ATP5MC3: variants seen among roughly 807,000 people sequenced by gnomAD.
The protein encoded by ATP5MC3 is ATP synthase membrane subunit c locus 3, also known as ATP synthase F(0) complex subunit C3, mitochondrial.
In ATP5MC3, 6 loss-of-function variants were observed where a neutral mutation model predicts 15.6. The observed-to-expected ratio is 0.38, with a 90% CI of 0.21 to 0.76. ATP5MC3 has a LOEUF of 0.76. ATP5MC3 is among the 30% of genes least tolerant of loss of function. The pLI, the probability that ATP5MC3 is intolerant of heterozygous loss-of-function variation, is 0.44. For synonymous variants in ATP5MC3, 66 were observed against 63.3 expected (o/e 1.04, Z -0.20); for missense variants, 132 against 171.2 (o/e 0.77, Z 1.28).
At chr2:175,180,299 T>C (rs1700751244) in intron 2 of ATP5MC3, 121 bp from the exon 3 acceptor site, 2 of 627,942 alleles carry the variant, frequency 3.2e-6, no homozygotes, top group Non-Finnish European at 5.0e-6. Flanking sequence ...CAGAAACTTC[T>C]GAATTGACTC....
In ATP5MC3 at chr2:175,178,935, C is replaced by T. The variant is rs188186657; in HGVS notation, c.314+122G>A. 3 of 1,402,126 alleles carry T rather than the reference C, an allele frequency of 2.1e-6. No individual in the cohort carries two copies. In the African/African-American group the frequency reaches 4.3e-5, roughly 20 times the overall value. The allele number at this position is 1,402,126 out of a possible 1,614,324, so 86.9% of individuals were successfully genotyped here. A position where few individuals can be genotyped will look rare whatever the true frequency, so the allele number is the denominator to read the frequency against. ...ATTAAGTGAGATAATGCATACAAAG[C>T]CCTTTAAATATAATGCAAGACACAG... On this transcript the variant is annotated intron_variant, in intron 4 of 4. Coordinates refer to ENST00000284727, the MANE Select transcript of ATP5MC3 (RefSeq NM_001689.5).
At position 175,178,388 on chromosome 2, in the gene ATP5MC3, T is replaced by G; in HGVS notation, c.329A>C (p.Lys110Thr). The G allele has an allele frequency of 1.9e-6, 3 of 1,608,012 alleles. No homozygotes were observed. Among genetic ancestry groups the G allele is most frequent in the Non-Finnish European group, 2.5e-6 (3 of 1,178,188 alleles). Residue 110 changes from lysine to threonine, a missense_variant, in exon 5 of 5, where the codon AAG becomes ACG. By Grantham distance (78) the Lys-to-Thr change is moderately conservative (BLOSUM62 -1). Around this residue, in one of 2 missense-constraint regions of ATP5MC3, gnomAD observed 42 missense variants for 85.0 expected, o/e 0.49. Coordinates refer to ENST00000284727, the MANE Select transcript of ATP5MC3 (RefSeq NM_001689.5). ...IIGYARNPSL[K>T]QQLFSYAILG... ...GATAGCATATGAGAACAGCTGCTGC[T>G]TCAGCGAAGGGTTTCTAAAAGAGAC...
rs550863029 is a variant in ATP5MC3, at chr2:175,180,405, A to G, written c.40-227T>C. Reference sequence around the variant, plus strand: ...TGCTACCTTGAATAAAATTTCTAATAACAGTTACAAAGAGAGTAAGAACTG... The same window carrying G: ...TGCTACCTTGAATAAAATTTCTAATGACAGTTACAAAGAGAGTAAGAACTG... On this transcript the variant is annotated intron_variant, in intron 2 of 4. Coordinates refer to ENST00000284727, the MANE Select transcript of ATP5MC3 (RefSeq NM_001689.5). 2.0e-5 allele frequency among the ~76,000 whole-genome samples: 3 copies of G among 152,336 alleles called. No homozygotes were observed. In the East Asian group the frequency reaches 5.8e-4, roughly 29 times the overall value.
At chr2:175,180,063 T>C (rs1384151051) in intron 3 of ATP5MC3, 35 bp downstream of exon 3, 1 of 1,492,930 alleles carries the variant, frequency 6.7e-7, no homozygotes, top group African/African-American at 1.4e-5. Context: ...CCTTATTTGG[T>C]AGTGTTACCT....
At chr2:175,178,853 G>T in intron 4 of ATP5MC3, 1 of 1,101,692 alleles carries the variant, frequency 9.1e-7, no homozygotes, top group Non-Finnish European at 1.2e-6. Flanking sequence ...TGTGGCCTCT[G>T]TGTCTCTAGT....
intron 2 of ATP5MC3, among the ~76,000 whole-genome samples, chr2:175,181,027 C>G (rs1700761096): frequency 6.6e-6 from 1 of 152,160 alleles, no homozygotes; most frequent in Admixed American, 6.5e-5. Flanking sequence ...CTGCAGTACT[C>G]CAACCTTCGC....
chr2:175,181,544 G>T, intron 1 of ATP5MC3, 78 bp from the exon 2 acceptor site: 2 of 917,918 alleles, frequency 2.2e-6, no homozygotes, highest in Non-Finnish European at 3.2e-6. Context: ...AGGCTCCCGT[G>T]CACGCCGTCA....
chr2:175,178,657 A>C, intron 4 of ATP5MC3: 2 of 1,212,132 alleles, frequency 1.6e-6, no homozygotes, highest in Non-Finnish European at 1.0e-6. Context: ...TCCATCTGAA[A>C]ATATGATCTA....
rs1241441667 is a variant in ATP5MC3 at position 175,181,406 on chromosome 2, G to C, written c.-13C>G. 7 of 1,613,358 alleles carry C rather than the reference G, an allele frequency of 4.3e-6. No homozygotes were observed. In the East Asian group the frequency reaches 1.3e-4, roughly 31 times the overall value. On this transcript the variant is annotated 5_prime_UTR_variant, in exon 2 of 5. Transcript: ENST00000284727. ...CGCAGGCGAACATCTTACACTCTTCGGGACTGCGCGGCTGGAGATATTGGG... is the reference window on the plus strand; with the variant it reads ...CGCAGGCGAACATCTTACACTCTTCCGGACTGCGCGGCTGGAGATATTGGG...
intron 2 of ATP5MC3, among the ~76,000 whole-genome samples, chr2:175,180,459 G>GT (rs1318780391): frequency 6.6e-6 from 1 of 152,096 alleles, no homozygotes; most frequent in Non-Finnish European, 1.5e-5. Context: ...TTGTAGTGCC[G>GT]TAAGTCAAGT....
At position 175,180,168 on chromosome 2, in the gene ATP5MC3, C is replaced by A; in HGVS notation, c.50G>T (p.Gly17Val). 6.3e-7 allele frequency: 1 copy of A among 1,590,912 alleles called. No individual in the cohort carries two copies. Among genetic ancestry groups the A allele is most frequent in the Non-Finnish European group, 8.5e-7 (1 of 1,174,186 alleles). Residue 17 changes from glycine to valine, a missense_variant, in exon 3 of 5, where the codon GGA becomes GTA. By Grantham distance (109) the Gly-to-Val change is moderately radical. Coordinates refer to ENST00000284727, the MANE Select transcript of ATP5MC3 (RefSeq NM_001689.5). ...LACTPSLIRA[G>V]SRVAYRPISA... ...AATTGGTCTGTATGCAACTCTGGAT[C>A]CAGCTCGGATCTATTAATGAAAAAA...
At position 175,181,328 on chromosome 2, in the gene ATP5MC3, C is replaced by A. The variant is rs757547399; in HGVS notation, c.39+27G>T. The A allele has an allele frequency of 4.4e-6, 7 of 1,608,750 alleles. No individual in the cohort carries two copies. The African/African-American group carries it at 6.7e-5, about 15-fold the overall frequency. On this transcript the variant is annotated intron_variant, in intron 2 of 4. Transcript: ENST00000284727. The stretch of plus-strand genomic sequence containing the variant: ...TAGGCCAAAACGCCCACCCCTCAAT[C>A]CCCCCGACCCTGCCTGGGCTACGCA...
At chr2:175,180,308 T>G (rs755968861) in intron 2 of ATP5MC3, 130 bp from the exon 3 acceptor site, 66 of 590,786 alleles carry the variant, frequency 1.1e-4, no homozygotes, top group Non-Finnish European at 1.7e-4. Context: ...CTGAATTGAC[T>G]CTTTGCTGTT....
rs1700718558 is a variant in ATP5MC3, at chr2:175,178,333, A to C, written c.384T>G (p.Gly128=). The C allele has an allele frequency of 6.2e-7, 1 of 1,612,562 alleles. No homozygotes were observed. Among genetic ancestry groups the C allele is most frequent in the Admixed American group, 1.7e-5 (1 of 59,768 alleles). Residue 128 remains glycine (G), a synonymous_variant, in exon 5 of 5, where the codon GGT becomes GGG. Coordinates refer to ENST00000284727, the MANE Select transcript of ATP5MC3 (RefSeq NM_001689.5). ...ILGFALSEAM[G]LFCLMVAFLI... ...AGAAAGCAACCATCAAACAAAAGAG[A>C]CCCATAGCTTCAGACAAGGCAAATC...
At position 175,181,373 on chromosome 2, in the gene ATP5MC3, G is replaced by C. The variant is rs775629707; in HGVS notation, c.21C>G (p.Leu7=). The C allele has an allele frequency of 1.9e-5, 30 of 1,613,816 alleles. No individual in the cohort carries two copies. Among genetic ancestry groups the C allele is most frequent in the Non-Finnish European group, 1.6e-5 (19 of 1,179,938 alleles). MFACAK[L]ACTPSLIRAG... ...TACGCACCAGAGAGGGGGTGCAGGCGAGCTTGGCGCAGGCGAACATCTTAC... is the reference window on the plus strand; with the variant it reads ...TACGCACCAGAGAGGGGGTGCAGGCCAGCTTGGCGCAGGCGAACATCTTAC... Residue 7 remains leucine (L), a synonymous_variant, in exon 2 of 5, where the codon CTC becomes CTG. Transcript: ENST00000284727.
chr2:175,179,395 A>C, intron 3 of ATP5MC3, 145 bp from the exon 4 acceptor site: 31 of 1,064,926 alleles, frequency 2.9e-5, no homozygotes, highest in Non-Finnish European at 3.9e-5. Flanking sequence ...GAATAATCTC[A>C]CTCTTGTGTA....
chr2:175,179,783 G>GT (rs1396723449), intron 3 of ATP5MC3: 1 of 281,678 alleles, frequency 3.6e-6, no homozygotes, highest in Non-Finnish European at 6.6e-6. Flanking sequence ...AGGAACACAG[G>GT]TGTGAGCCAC....
At chr2:175,178,605 A>T (rs1031033993) in intron 4 of ATP5MC3, 2 of 1,297,110 alleles carry the variant, frequency 1.5e-6, no homozygotes, top group African/African-American at 3.0e-5. Context: ...GTCAATATAA[A>T]TGGTTAGTTT....
intron 2 of ATP5MC3, among the ~76,000 whole-genome samples, chr2:175,181,014 C>G (rs1439731099): frequency 1.3e-5 from 2 of 152,160 alleles, no homozygotes; most frequent in East Asian, 3.9e-4. Flanking sequence ...CCCCCTACAT[C>G]CTCTGCAGTA....
Sources: gnomAD v4.1 joint callset for allele counts (sites outside exome capture counted in the v4.1 genomes callset) on GRCh38, gnomAD v4.1.1 for gene constraint, gnomAD v4.1.1 regional missense constraint, MANE v1.5 for transcripts, NCBI Gene and HGNC (gene_info 2026-07-23, HGNC 2026-07-21) for gene names.